The following GRIK4 variants were observed in gnomAD, a reference collection of about 807,000 sequenced individuals.
The protein encoded by GRIK4 is glutamate receptor ionotropic, kainate 4.
In GRIK4, 40 loss-of-function variants were observed where a neutral mutation model predicts 104.9. That is an observed-to-expected ratio of 0.38 (90% CI 0.30 to 0.50). The LOEUF (loss-of-function observed/expected upper bound fraction) is 0.50. Ranked by LOEUF, GRIK4 falls within the 20% of genes least tolerant of loss-of-function variation. The probability of loss-of-function intolerance (pLI) is 0.93; values close to 1 mark genes in which losing one functional copy is unlikely to be tolerated. For missense variants in GRIK4, 1,047 were observed against 1,308.1 expected (o/e 0.80, Z 3.08); for synonymous variants, 485 against 524.9 (o/e 0.92, Z 1.04).
chr11:120,778,059 G>C (rs899911710), intron 3 of GRIK4, among the ~76,000 whole-genome samples: 1 of 152,162 alleles, frequency 6.6e-6, no homozygotes, highest in African/African-American at 2.4e-5. Flanking sequence ...AAGGACCGGA[G>C]ACCAGTACTA....
At chr11:120,772,604 T>G (rs568299069) in intron 3 of GRIK4, among the ~76,000 whole-genome samples, 2 of 152,164 alleles carry the variant, frequency 1.3e-5, no homozygotes, top group Middle Eastern at 3.4e-3. Context: ...TCTGCAAGCT[T>G]GAACTAGGCT....
chr11:120,789,109 A>C (rs1158635083), intron 3 of GRIK4, among the ~76,000 whole-genome samples: 1 of 151,938 alleles, frequency 6.6e-6, no homozygotes, highest in Non-Finnish European at 1.5e-5. Context: ...TCACCATCCT[A>C]TGCCAGATCC....
intron 8 of GRIK4, among the ~76,000 whole-genome samples, chr11:120,844,428 G>C (rs1953801178): frequency 6.6e-6 from 1 of 152,202 alleles, no homozygotes; most frequent in Non-Finnish European, 1.5e-5. Flanking sequence ...ATAAAAGCAA[G>C]ATCAAATCAG....
chr11:120,974,664 C>A (rs1194112624), intron 19 of GRIK4, among the ~76,000 whole-genome samples: 1 of 152,204 alleles, frequency 6.6e-6, no homozygotes, highest in Admixed American at 6.5e-5. Context: ...AATCCCGAGT[C>A]TTTTTGCCAG....
At chr11:120,599,347 G>A (rs781086564) in intron 1 of GRIK4, among the ~76,000 whole-genome samples, 1 of 152,198 alleles carries the variant, frequency 6.6e-6, no homozygotes, top group South Asian at 2.1e-4. Flanking sequence ...TGGTGGTGGG[G>A]AAGGTCCCTG....
chr11:120,666,669 G>A (rs537212037), intron 3 of GRIK4, among the ~76,000 whole-genome samples: 3 of 152,320 alleles, frequency 2.0e-5, no homozygotes, highest in African/African-American at 4.8e-5. Context: ...GTATGTGGCT[G>A]CCTGTGTTCA....
chr11:120,581,557 A>G (rs1173725571), intron 1 of GRIK4, among the ~76,000 whole-genome samples: 1 of 152,192 alleles, frequency 6.6e-6, no homozygotes, highest in Non-Finnish European at 1.5e-5. Flanking sequence ...ATTAAATAAC[A>G]ACTCCTCATT....
chr11:120,766,150 C>T (rs1951835834), intron 3 of GRIK4, among the ~76,000 whole-genome samples: 1 of 152,198 alleles, frequency 6.6e-6, no homozygotes, highest in African/African-American at 2.4e-5. Flanking sequence ...GATGCCTTGC[C>T]CAGAGAGGAG....
intron 10 of GRIK4, 22 bp downstream of exon 10, chr11:120,874,240 G>A: frequency 6.3e-7 from 1 of 1,596,338 alleles, no homozygotes. Context: ...CTGAGGCCCT[G>A]CAGGGCTGTG....
chr11:120,875,804 C>T lies in GRIK4; in HGVS notation c.1164+561C>T, dbSNP rs559186196. On this transcript the variant is annotated intron_variant, in intron 11 of 20. Coordinates refer to ENST00000527524, the MANE Select transcript of GRIK4 (RefSeq NM_014619.5). ...GCTCCCCACTCCTTTGCTCATTCTC[C>T]GCCATTACCCTTTTTCCCCTTTTCT... Among the ~76,000 whole-genome samples, 15 of 152,258 alleles carry T rather than the reference C, an allele frequency of 9.9e-5. No homozygotes were observed. In the South Asian group the frequency reaches 1.2e-3, roughly 13 times the overall value.
At position 120,940,457 on chromosome 11, in the gene GRIK4, T is replaced by C; in HGVS notation, c.1587T>C (p.His529=). Reference sequence around the variant, plus strand: ...GAATTAGCATTCTTTACCGCGTTCATATGGTAAGAGACTTATTTTATAAGC... The same window carrying C: ...GAATTAGCATTCTTTACCGCGTTCACATGGTAAGAGACTTATTTTATAAGC... ...TLGISILYRV[H]MGRKPGYFSF... is the part of the protein sequence containing the mutation. Residue 529 remains histidine, a synonymous_variant, in exon 14 of 21, where the codon CAT becomes CAC. Coordinates refer to ENST00000527524, the MANE Select transcript of GRIK4 (RefSeq NM_014619.5). The surrounding 1 kb of genome is among the most constrained non-coding windows in gnomAD (Gnocchi z 4.3). 1 of 1,551,532 alleles carries C rather than the reference T, an allele frequency of 6.4e-7. No homozygotes were observed. Among genetic ancestry groups the C allele is most frequent in the Non-Finnish European group, 8.9e-7 (1 of 1,123,450 alleles).
chr11:120,906,558 C>T (rs1182943379), intron 13 of GRIK4, among the ~76,000 whole-genome samples: 1 of 152,202 alleles, frequency 6.6e-6, no homozygotes, highest in African/African-American at 2.4e-5. Flanking sequence ...GAACCCAGAT[C>T]TTTTTCTTTA....
intron 13 of GRIK4, among the ~76,000 whole-genome samples, chr11:120,924,854 G>A (rs763327213): frequency 3.9e-5 from 6 of 152,202 alleles, no homozygotes; most frequent in African/African-American, 9.7e-5. Context: ...GTGGCCAGAG[G>A]TTCAGAACAA....
At chr11:120,927,934 CAGGCATGG>C (rs1943389022) in intron 13 of GRIK4, among the ~76,000 whole-genome samples, 1 of 152,002 alleles carries the variant, frequency 6.6e-6, no homozygotes, top group Non-Finnish European at 1.5e-5. Flanking sequence ...GAAGGCAGGC[CAGGCATGG>C]TGGCTCATGC....
At chr11:120,976,832 G>A (rs12575147) in intron 19 of GRIK4, among the ~76,000 whole-genome samples, 1 of 152,182 alleles carries the variant, frequency 6.6e-6, no homozygotes, top group South Asian at 2.1e-4. Flanking sequence ...CTCACTTTTT[G>A]TTCAAAAGGA....
intron 16 of GRIK4, among the ~76,000 whole-genome samples, chr11:120,958,679 G>A (rs1944222502): frequency 6.6e-6 from 1 of 152,238 alleles, no homozygotes; most frequent in Non-Finnish European, 1.5e-5. Flanking sequence ...TTTCTCAGCA[G>A]AGCCGATGGG....
intron 3 of GRIK4, among the ~76,000 whole-genome samples, chr11:120,663,802 C>A (rs1250712713): frequency 6.6e-6 from 1 of 152,196 alleles, no homozygotes; most frequent in Non-Finnish European, 1.5e-5. Context: ...TCCTTCTACT[C>A]CTCTTCTTTT....
chr11:120,762,303 C>A (rs756631853), intron 3 of GRIK4, among the ~76,000 whole-genome samples: 1 of 152,232 alleles, frequency 6.6e-6, no homozygotes, highest in Admixed American at 6.5e-5. Flanking sequence ...TATCCTAAGA[C>A]TTTGCTGAAG....
At chr11:120,581,941 G>T (rs1479045932) in intron 1 of GRIK4, among the ~76,000 whole-genome samples, 1 of 151,822 alleles carries the variant, frequency 6.6e-6, no homozygotes, top group Non-Finnish European at 1.5e-5. Context: ...CTAGTAGCTG[G>T]GACTACAGGT....
Sources: gnomAD v4.1 joint callset for allele counts (sites outside exome capture counted in the v4.1 genomes callset) on GRCh38, gnomAD v4.1.1 for gene constraint, Gnocchi (gnomAD v3.1) non-coding constraint, MANE v1.5 for transcripts, NCBI Gene and HGNC (gene_info 2026-07-23, HGNC 2026-07-21) for gene names.